FBLN7: variants seen among roughly 807,000 people sequenced by gnomAD.
FBLN7 encodes fibulin 7.
FBLN7 carries 31 observed loss-of-function variants against 44.0 expected under a neutral mutation model. The observed-to-expected ratio is 0.70, with a 90% CI of 0.53 to 0.95. The LOEUF is 0.95. Ranked by LOEUF, FBLN7 falls within the 40% of genes least tolerant of loss-of-function variation. FBLN7 has a pLI of 0.00. For missense variants in FBLN7, 573 were observed against 618.5 expected, an observed-to-expected ratio of 0.93 and a Z score of 0.78; for synonymous variants, 262 against 253.4, an observed-to-expected ratio of 1.03 and a Z score of -0.32.
At chr2:112,219,647 G>T in the FBLN7 span, among the ~76,000 whole-genome samples, 3 of 152,064 alleles carry the variant, frequency 2.0e-5, no homozygotes, top group East Asian at 3.9e-4. Context: ...TGTGAGTGGG[G>T]TGATTTTTTT....
chr2:112,188,143 C>T lies in FBLN7; in HGVS notation c.*637C>T, dbSNP rs1171642542. On this transcript the variant is annotated 3_prime_UTR_variant, in exon 8 of 8. Transcript: ENST00000331203. The stretch of plus-strand genomic sequence containing the variant: ...CATGGATTCTGCCTGAGTTACTTCC[C>T]TTTTGAGAAATCATATCTCAAATAC... 1 of 152,406 alleles carries T rather than the reference C, an allele frequency of 6.6e-6. No homozygotes were observed. Among genetic ancestry groups the T allele is most frequent in the Non-Finnish European group, 1.5e-5 (1 of 68,208 alleles). 9.4% of individuals were successfully genotyped at this position (152,406 alleles called of 1,614,324 possible).
the FBLN7 span, among the ~76,000 whole-genome samples, chr2:112,210,965 C>T: frequency 4.6e-5 from 7 of 152,156 alleles, no homozygotes; most frequent in Admixed American, 1.3e-4. Context: ...CAAAATAAGC[C>T]TGGAGCACCT....
At chr2:112,143,043 G>C (rs958638790) in intron 1 of FBLN7, among the ~76,000 whole-genome samples, 17 of 152,158 alleles carry the variant, frequency 1.1e-4, no homozygotes, top group African/African-American at 3.9e-4. Context: ...GTCCTGCGGG[G>C]ATGGAGTCTC....
At chr2:112,198,322 A>G in the FBLN7 span, among the ~76,000 whole-genome samples, 2 of 152,154 alleles carry the variant, frequency 1.3e-5, no homozygotes, top group Non-Finnish European at 2.9e-5. Flanking sequence ...GCTCACATAA[A>G]TGGGATTAGT....
intron 1 of FBLN7, among the ~76,000 whole-genome samples, chr2:112,158,143 C>T (rs1274210644): frequency 1.4e-5 from 2 of 147,748 alleles, no homozygotes; most frequent in African/African-American, 5.0e-5. Flanking sequence ...GTGATCCGCC[C>T]GCCTCGGCCT....
intron 7 of FBLN7, among the ~76,000 whole-genome samples, chr2:112,186,033 G>C (rs1683251913): frequency 6.6e-6 from 1 of 152,132 alleles, no homozygotes; most frequent in Non-Finnish European, 1.5e-5. Flanking sequence ...TTGAATTGCT[G>C]TTGAGTTAAA....
intron 1 of FBLN7, among the ~76,000 whole-genome samples, chr2:112,148,227 A>G (rs1009825813): frequency 2.0e-5 from 3 of 152,180 alleles, no homozygotes; most frequent in African/African-American, 7.2e-5. Context: ...CCTAGAGTCC[A>G]GGTTGAGATG....
At chr2:112,150,018 G>C (rs1681077764) in intron 1 of FBLN7, among the ~76,000 whole-genome samples, 1 of 152,194 alleles carries the variant, frequency 6.6e-6, no homozygotes, top group Admixed American at 6.5e-5. Flanking sequence ...TCAAAGACCA[G>C]AGGCATGGGG....
intron 6 of FBLN7, among the ~76,000 whole-genome samples, 157 bp from the exon 7 acceptor site, chr2:112,185,044 T>C (rs1017755700): frequency 2.0e-5 from 3 of 151,860 alleles, no homozygotes; most frequent in Admixed American, 6.6e-5. Flanking sequence ...GGGCCCTGAT[T>C]CCACACAGTT....
rs71826516 is a variant in FBLN7 at position 112,160,848 on chromosome 2, G to GCACA, written c.235+1029_235+1032dup. Among the ~76,000 whole-genome samples the GCACA allele has an allele frequency of 2.1e-3, 317 of 148,148 alleles. 2 individuals are homozygous for GCACA. Among genetic ancestry groups the GCACA allele is most frequent in the African/African-American group, 6.6e-3 (261 of 39,514 alleles). ...AGCACGCATACACGCACGCACACGC[G>GCACA]CACACACACACACACACACTCAGCC... On this transcript the variant is annotated intron_variant, in intron 2 of 7. Transcript: ENST00000331203.
the FBLN7 span, among the ~76,000 whole-genome samples, chr2:112,240,987 G>GCA: frequency 1.8e-5 from 2 of 114,090 alleles, no homozygotes; most frequent in South Asian, 5.0e-4. Flanking sequence ...GTGTGTGTGC[G>GCA]CGTGTGTATG....
chr2:112,154,661 T>C (rs936016804), intron 1 of FBLN7, among the ~76,000 whole-genome samples: 7 of 152,170 alleles, frequency 4.6e-5, no homozygotes, highest in African/African-American at 1.7e-4. Flanking sequence ...TCCGGCCGGC[T>C]TCCTGTCCAT....
chr2:112,153,483 A>G (rs1017328026), intron 1 of FBLN7, among the ~76,000 whole-genome samples: 9 of 152,146 alleles, frequency 5.9e-5, no homozygotes, highest in African/African-American at 1.7e-4. Flanking sequence ...TGTGAGGAAG[A>G]CCATCGAGCC....
chr2:112,202,418 A>C, the FBLN7 span, among the ~76,000 whole-genome samples: 31 of 151,414 alleles, frequency 2.0e-4, no homozygotes, highest in South Asian at 5.6e-3. Context: ...ACATATATAG[A>C]TATGAAATAT....
At chr2:112,240,476 G>T in the FBLN7 span, 1 of 152,192 alleles carries the variant, frequency 6.6e-6, no homozygotes, top group African/African-American at 2.4e-5. Flanking sequence ...ATAGAGGTGA[G>T]ATTTTCTTCA....
the FBLN7 span, among the ~76,000 whole-genome samples, chr2:112,210,904 A>T: frequency 7.9e-5 from 12 of 152,196 alleles, no homozygotes; most frequent in Non-Finnish European, 1.8e-4. Context: ...ACTAAAAGGA[A>T]TCTGGGCTGC....
At chr2:112,233,703 T>TAACA in the FBLN7 span, among the ~76,000 whole-genome samples, 1 of 151,966 alleles carries the variant, frequency 6.6e-6, no homozygotes, top group Non-Finnish European at 1.5e-5. Context: ...TCGTCCCTAC[T>TAACA]AACAATACAA....
At chr2:112,238,714 A>C in the FBLN7 span, 2 of 440,428 alleles carry the variant, frequency 4.5e-6, no homozygotes, top group African/African-American at 2.0e-5. Flanking sequence ...AAAAGAAAAA[A>C]TTTCCAGAAT....
At chr2:112,190,379 A>G (rs953063319), downstream of FBLN7, 5 of 152,226 alleles carry the variant, frequency 3.3e-5, no homozygotes, top group African/African-American at 1.2e-4. Flanking sequence ...TATAAAGAGA[A>G]ACACACTCTC....
Sources: gnomAD v4.1 joint callset for allele counts (sites outside exome capture counted in the v4.1 genomes callset) on GRCh38, gnomAD v4.1.1 for gene constraint, MANE v1.5 for transcripts, NCBI Gene and HGNC (gene_info 2026-07-23, HGNC 2026-07-21) for gene names.